Variants in NEK1 observed in about 807,000 individuals in gnomAD.
The protein encoded by NEK1 is serine/threonine-protein kinase Nek1.
Under a neutral mutation model 182.1 loss-of-function variants are expected in NEK1, and 137 were observed. That is an observed-to-expected ratio of 0.75 (90% confidence interval 0.65 to 0.87). The LOEUF (loss-of-function observed/expected upper bound fraction) is 0.87, where lower values mean the gene tolerates loss of function less well. NEK1 is among the 40% of genes least tolerant of loss of function. The pLI is 0.00. For synonymous variants in NEK1, 513 were observed against 492.2 expected (o/e 1.04, Z -0.56); for missense variants, 1,391 against 1,494.4 (o/e 0.93, Z 1.14).
intron 27 of NEK1, among the ~76,000 whole-genome samples, chr4:169,446,290 TAAGAGA>T (rs1740552413): frequency 6.6e-6 from 1 of 151,070 alleles, no homozygotes; most frequent in Non-Finnish European, 1.5e-5. Flanking sequence ...CTAACGAGAC[TAAGAGA>T]AAAAGAGTGA....
intron 18 of NEK1, among the ~76,000 whole-genome samples, chr4:169,546,077 G>C (rs1760385241): frequency 6.6e-6 from 1 of 152,166 alleles, no homozygotes; most frequent in African/African-American, 2.4e-5. Flanking sequence ...TGTGATGTTA[G>C]GGTGTCAATT....
In NEK1 at chr4:169,453,887, T is replaced by C. The variant is rs114603615; in HGVS notation, c.2587+9356A>G. On this transcript the variant is annotated intron_variant, in intron 27 of 35. Coordinates refer to ENST00000507142, the MANE Select transcript of NEK1 (RefSeq NM_001199397.3). ...TTCCTGTGTGTGTCTTTAATTCCTC[T>C]AGTGCGGCTGGGTTAGGGTCTCCCT... Among the ~76,000 whole-genome samples, 1,229 of 152,226 alleles carry C rather than the reference T, an allele frequency of 8.1e-3. 14 individuals carry two copies. Among genetic ancestry groups the C allele is most frequent in the African/African-American group, 0.028 (1,172 of 41,550 alleles).
At position 169,487,321 on chromosome 4, in the gene NEK1, C is replaced by T. The variant is rs530080830; in HGVS notation, c.2008-7787G>A. 7.9e-5 allele frequency among the ~76,000 whole-genome samples: 12 copies of T among 152,284 alleles called. No individual in the cohort carries two copies. The South Asian group carries it at 2.5e-3, about 32-fold the overall frequency. Reference sequence around the variant, plus strand: ...CTTCCTGATGCTCTCCCTTCCTCCACATCCCTCAAAAGCCCCAATGTGTGT... The same window carrying T: ...CTTCCTGATGCTCTCCCTTCCTCCATATCCCTCAAAAGCCCCAATGTGTGT... On this transcript the variant is annotated intron_variant, in intron 23 of 35. Coordinates refer to ENST00000507142, the MANE Select transcript of NEK1 (RefSeq NM_001199397.3).
chr4:169,491,572 G>GAATT, intron 23 of NEK1, among the ~76,000 whole-genome samples: 1 of 151,942 alleles, frequency 6.6e-6, no homozygotes, highest in Admixed American at 6.6e-5. Flanking sequence ...GAAGCTAAGG[G>GAATT]AATTCATCAC....
intron 31 of NEK1, among the ~76,000 whole-genome samples, chr4:169,411,329 T>TGA: frequency 6.6e-6 from 1 of 151,700 alleles, no homozygotes; most frequent in Non-Finnish European, 1.5e-5. Context: ...ACTGACTGAC[T>TGA]TATATTTTAT....
intron 22 of NEK1, 133 bp downstream of exon 22, chr4:169,507,582 G>A (rs1580325160): frequency 2.0e-6 from 1 of 508,294 alleles, no homozygotes; most frequent in East Asian, 3.1e-5. Flanking sequence ...AAACCAAAAA[G>A]TGGAGGAGAA....
At position 169,561,469 on chromosome 4, in the gene NEK1, A is replaced by T. The variant is rs1762892474; in HGVS notation, c.1266+11T>A. The T allele has an allele frequency of 1.9e-6, 3 of 1,611,534 alleles. No individual in the cohort carries two copies. Among genetic ancestry groups the T allele is most frequent in the Non-Finnish European group, 2.5e-6 (3 of 1,177,890 alleles). ...AATGGTAGTATAACCATATTGGTAT[A>T]AAATGCCTACCTTTACTTCACCACT... On this transcript the variant is annotated intron_variant, in intron 16 of 35. Transcript: ENST00000507142.
chr4:169,506,697 G>GT (rs987969218), intron 23 of NEK1: 127 of 151,888 alleles, frequency 8.4e-4, no homozygotes, highest in Non-Finnish European at 1.2e-3. Context: ...AGCCGAGATC[G>GT]TGTCACTGCA....
intron 18 of NEK1, among the ~76,000 whole-genome samples, chr4:169,540,812 G>T (rs534975322): frequency 6.6e-6 from 1 of 150,586 alleles, no homozygotes; most frequent in South Asian, 2.1e-4. Context: ...ATCAAACAAA[G>T]AGATAACAGA....
At chr4:169,577,957 T>C (rs1261821415) in intron 11 of NEK1, among the ~76,000 whole-genome samples, 1 of 152,050 alleles carries the variant, frequency 6.6e-6, no homozygotes, top group African/African-American at 2.4e-5. Context: ...ATCATTATCA[T>C]TAAGGGTTCC....
At position 169,602,050 on chromosome 4, in the gene NEK1, T is replaced by A. The variant is rs185611942; in HGVS notation, c.172A>T (p.Met58Leu). Residue 58 changes from methionine (M) to leucine (L), a missense_variant, in exon 4 of 36, where the codon ATG becomes TTG. By Grantham distance (15) the Met-to-Leu change is conservative. Coordinates refer to ENST00000507142, the MANE Select transcript of NEK1 (RefSeq NM_001199397.3). ...SRREVAVLANMKHPNIVQYRE... is the reference protein window; with the variant it reads ...SRREVAVLANLKHPNIVQYRE... ...TACTGGACAATATTTGGATGCTTCATGTTTGCCAATACTGCAACTTCTCTC... is the reference window on the plus strand; with the variant it reads ...TACTGGACAATATTTGGATGCTTCAAGTTTGCCAATACTGCAACTTCTCTC... The A allele has an allele frequency of 6.2e-7, 1 of 1,613,572 alleles. No individual in the cohort carries two copies. The highest frequency in any genetic ancestry group is 1.7e-5 in the Admixed American group (1 of 60,024).
rs1179579715 is a variant in NEK1, at chr4:169,570,937, G to C, written c.1020+5991C>G. On this transcript the variant is annotated intron_variant, in intron 12 of 35. Coordinates refer to ENST00000507142, the MANE Select transcript of NEK1 (RefSeq NM_001199397.3). ...GTCCACTCAGGGTTAAATGGATTAA[G>C]GGCGGTGCAAGATGTGCTTTGTTAA... is the stretch of plus-strand genomic sequence containing the variant. Among the ~76,000 whole-genome samples the C allele has an allele frequency of 2.0e-5, 3 of 152,198 alleles. No individual in the cohort carries two copies. The East Asian group carries it at 5.8e-4, about 29-fold the overall frequency.
intron 23 of NEK1, among the ~76,000 whole-genome samples, chr4:169,492,367 G>A (rs1157382578): frequency 6.6e-6 from 1 of 152,188 alleles, no homozygotes; most frequent in Admixed American, 6.5e-5. Flanking sequence ...AAGATTGGGT[G>A]GAGAGAAAGA....
chr4:169,470,470 G>GT (rs1448371106), intron 26 of NEK1, among the ~76,000 whole-genome samples: 1 of 152,172 alleles, frequency 6.6e-6, no homozygotes, highest in African/African-American at 2.4e-5. Context: ...GGCTTGTAGG[G>GT]TTTTTGCAGA....
rs192372022 is a variant in NEK1, at chr4:169,401,644, T to G, written c.3583+8A>C. 3.9e-4 allele frequency: 623 copies of G among 1,611,286 alleles called. 1 individual carries two copies. Among genetic ancestry groups the G allele is most frequent in the Non-Finnish European group, 4.6e-4 (545 of 1,177,804 alleles). ...AAAAGAAAAAGGTCCAAAACTCTGA[T>G]CATGCACCTGAGTGCCATTCTTCGT... is the stretch of plus-strand genomic sequence containing the variant. On this transcript the variant is annotated splice_region_variant and intron_variant, in intron 33 of 35. Transcript: ENST00000507142.
intron 5 of NEK1, among the ~76,000 whole-genome samples, chr4:169,598,752 A>T (rs754370932): frequency 1.1e-4 from 16 of 152,238 alleles, no homozygotes; most frequent in Non-Finnish European, 2.4e-4. Context: ...AGCTGGAGTT[A>T]CCTGGCAAAG....
chr4:169,503,349 AT>A (rs1443706902), intron 23 of NEK1, among the ~76,000 whole-genome samples: 2 of 151,914 alleles, frequency 1.3e-5, no homozygotes, highest in East Asian at 1.9e-4. Flanking sequence ...TACCAATGTT[AT>A]TTTTTTGTAA....
intron 7 of NEK1, 37 bp from the exon 8 acceptor site, chr4:169,588,772 C>T: frequency 7.9e-7 from 1 of 1,264,352 alleles, no homozygotes; most frequent in Non-Finnish European, 1.1e-6. Context: ...AAGTTAAAGA[C>T]ACAGTCATGT....
intron 27 of NEK1, among the ~76,000 whole-genome samples, chr4:169,458,154 T>C (rs1216971934): frequency 6.6e-6 from 1 of 151,964 alleles, no homozygotes; most frequent in Non-Finnish European, 1.5e-5. Context: ...CTTCAAGAAA[T>C]ACTATAAAGC....
Sources: gnomAD v4.1 joint callset for allele counts (sites outside exome capture counted in the v4.1 genomes callset) on GRCh38, gnomAD v4.1.1 for gene constraint, MANE v1.5 for transcripts, NCBI Gene and HGNC (gene_info 2026-07-23, HGNC 2026-07-21) for gene names.